TAS2R1: variants seen among roughly 807,000 people sequenced by gnomAD.
TAS2R1 encodes taste 2 receptor member 1, also known as taste receptor type 2 member 1.
For missense variants in TAS2R1, 370 were observed against 353.4 expected, an observed-to-expected ratio of 1.05 and a Z score of -0.38; for synonymous variants, 141 against 134.2, an observed-to-expected ratio of 1.05 and a Z score of -0.35.
At chr5:9,732,023 A>G in the TAS2R1 span, among the ~76,000 whole-genome samples, 1 of 152,254 alleles carries the variant, frequency 6.6e-6, no homozygotes, top group Non-Finnish European at 1.5e-5. Context: ...CAAACACAAT[A>G]GAGATTATGA....
intron 1 of TAS2R1, among the ~76,000 whole-genome samples, chr5:9,662,621 A>G (rs1298608664): frequency 6.6e-6 from 1 of 152,216 alleles, no homozygotes; most frequent in Non-Finnish European, 1.5e-5. Flanking sequence ...AGGTAGCACA[A>G]CATACATGCA....
chr5:9,710,501 A>G (rs1478992362), intron 1 of TAS2R1, among the ~76,000 whole-genome samples: 1 of 152,238 alleles, frequency 6.6e-6, no homozygotes. Context: ...TGGGCAAACA[A>G]AAGATAGACT....
At chr5:9,666,187 T>C (rs1253990474) in intron 1 of TAS2R1, among the ~76,000 whole-genome samples, 1 of 152,184 alleles carries the variant, frequency 6.6e-6, no homozygotes, top group Non-Finnish European at 1.5e-5. Context: ...TTAAAATGAA[T>C]TTGGAGAGAG....
At chr5:9,657,390 C>T (rs1255873045) in intron 2 of TAS2R1, among the ~76,000 whole-genome samples, 1 of 152,114 alleles carries the variant, frequency 6.6e-6, no homozygotes, top group Non-Finnish European at 1.5e-5. Flanking sequence ...TTCCCTTAAG[C>T]GTTTCATTTG....
At chr5:9,762,666 A>C in the TAS2R1 span, among the ~76,000 whole-genome samples, 1 of 152,230 alleles carries the variant, frequency 6.6e-6, no homozygotes, top group African/African-American at 2.4e-5. Context: ...AAGATAGCAC[A>C]AAAGCTGCTC....
chr5:9,648,177 C>A (rs925599472), intron 2 of TAS2R1, among the ~76,000 whole-genome samples: 1 of 151,928 alleles, frequency 6.6e-6, no homozygotes, highest in African/African-American at 2.4e-5. Flanking sequence ...CTTCAACATG[C>A]AAGAGAAAAA....
chr5:9,725,172 G>A, the TAS2R1 span, among the ~76,000 whole-genome samples: 10 of 152,240 alleles, frequency 6.6e-5, no homozygotes, highest in African/African-American at 2.2e-4. Context: ...GCCCTTGCTC[G>A]CTCTGGGCGC....
intron 2 of TAS2R1, among the ~76,000 whole-genome samples, chr5:9,651,182 G>T (rs1486537990): frequency 2.0e-5 from 3 of 152,178 alleles, no homozygotes; most frequent in Admixed American, 1.3e-4. Context: ...CTTTCAGACA[G>T]ATGCTCTCAA....
At chr5:9,895,215 G>A in the TAS2R1 span, among the ~76,000 whole-genome samples, 1 of 152,230 alleles carries the variant, frequency 6.6e-6, no homozygotes, top group Non-Finnish European at 1.5e-5. Context: ...CAGAAGAGCT[G>A]GGACTGCAAA....
At chr5:9,780,385 G>A in the TAS2R1 span, among the ~76,000 whole-genome samples, 1 of 152,184 alleles carries the variant, frequency 6.6e-6, no homozygotes, top group Non-Finnish European at 1.5e-5. Context: ...AAAATCCAGA[G>A]GTCAATTCTG....
At chr5:9,825,664 C>T in the TAS2R1 span, among the ~76,000 whole-genome samples, 1 of 152,184 alleles carries the variant, frequency 6.6e-6, no homozygotes, top group Admixed American at 6.5e-5. Context: ...GAATTGCTGC[C>T]TCAAATAAAG....
At chr5:9,681,771 G>A (rs1256212809) in intron 1 of TAS2R1, among the ~76,000 whole-genome samples, 2 of 152,048 alleles carry the variant, frequency 1.3e-5, no homozygotes, top group African/African-American at 4.8e-5. Context: ...TCTCAGTGTG[G>A]TCCAGGAGCC....
chr5:9,687,795 T>A (rs1223768036), intron 1 of TAS2R1, among the ~76,000 whole-genome samples: 2 of 152,206 alleles, frequency 1.3e-5, no homozygotes, highest in African/African-American at 2.4e-5. Flanking sequence ...TCATCACTGA[T>A]TACCCCTCAG....
intron 2 of TAS2R1, among the ~76,000 whole-genome samples, chr5:9,649,120 T>A (rs917806353): frequency 6.6e-6 from 1 of 152,218 alleles, no homozygotes; most frequent in Admixed American, 6.5e-5. Flanking sequence ...ACTTCGTTTA[T>A]CAAATGTCCT....
At chr5:9,636,524 C>T (rs770149550) in intron 2 of TAS2R1, among the ~76,000 whole-genome samples, 7 of 151,924 alleles carry the variant, frequency 4.6e-5, no homozygotes, top group Non-Finnish European at 8.8e-5. Context: ...CTGTCTAGTG[C>T]TATTAGTGGA....
the TAS2R1 span, among the ~76,000 whole-genome samples, chr5:9,812,988 T>C: frequency 1.3e-5 from 2 of 152,208 alleles, no homozygotes; most frequent in African/African-American, 4.8e-5. Flanking sequence ...TTGAACTGTG[T>C]TCCCCACAAA....
the TAS2R1 span, among the ~76,000 whole-genome samples, chr5:9,831,284 T>C: frequency 6.6e-6 from 1 of 152,146 alleles, no homozygotes; most frequent in South Asian, 2.1e-4. Flanking sequence ...TATTATATCA[T>C]GAGGAAATAC....
At chr5:9,791,626 G>A in the TAS2R1 span, among the ~76,000 whole-genome samples, 1 of 152,190 alleles carries the variant, frequency 6.6e-6, no homozygotes, top group African/African-American at 2.4e-5. Context: ...TTGAACCCAG[G>A]AGGTGGAGGT....
At chr5:9,689,111 C>T (rs1490018450) in intron 1 of TAS2R1, among the ~76,000 whole-genome samples, 1 of 152,080 alleles carries the variant, frequency 6.6e-6, no homozygotes, top group Non-Finnish European at 1.5e-5. Flanking sequence ...CGATTCTTGC[C>T]CATTTACTGA....
Sources: allele counts gnomAD v4.1 joint callset (sites outside exome capture counted in the v4.1 genomes callset), GRCh38; gene constraint gnomAD v4.1.1; transcripts MANE v1.5; gene names NCBI Gene and HGNC (gene_info 2026-07-23, HGNC 2026-07-21).